The following MTR variants were observed in gnomAD, a reference collection of about 807,000 sequenced individuals.
MTR encodes methionine synthase.
Under a neutral mutation model 154.8 loss-of-function variants are expected in MTR, and 84 were observed. That is an observed-to-expected ratio of 0.54 (90% confidence interval 0.45 to 0.65). The LOEUF (loss-of-function observed/expected upper bound fraction) is 0.65. Ranked by LOEUF, MTR falls within the 30% of genes least tolerant of loss-of-function variation. The pLI is 0.00. For missense variants in MTR, 1,275 were observed against 1,570.2 expected (o/e 0.81, Z 3.18); for synonymous variants, 554 against 553.9 (o/e 1.00, Z 0.00).
chr1:236,805,244 C>T (rs928152516), intron 2 of MTR, among the ~76,000 whole-genome samples: 7 of 152,010 alleles, frequency 4.6e-5, no homozygotes, highest in Non-Finnish European at 5.9e-5. Flanking sequence ...GCCAGGGAGA[C>T]GAGTTTCGAA....
chr1:236,803,530 TA>T lies in MTR; in HGVS notation c.140del (p.Asn47ThrfsTer17). The T allele has an allele frequency of 6.2e-7, 1 of 1,614,168 alleles. No individual in the cohort carries two copies. The highest frequency in any genetic ancestry group is 8.5e-7 in the Non-Finnish European group (1 of 1,180,034). ...GMGTMIQREK[L>X]NEEHFRGQEF... ...GGGACCATGATCCAGCGGGAGAAGC[TA>T]AACGAAGAACACTTCCGAGGTCAGG... On this transcript the variant is annotated frameshift_variant, in exon 2 of 33. Transcript: ENST00000366577. LOFTEE classifies it high-confidence loss of function.
rs758776466 is a variant in MTR at position 236,816,534 on chromosome 1, A to G, written c.755A>G (p.Glu252Gly). ...TTTGTCATCAGCGTGTCTCATGGAG[A>G]ACCACTCTGGTGAGTGATCCATCTT... ...EGFVISVSHG[E>G]PLCIGLNCAL... The change falls in exon 8 of 33, where the codon GAA (glutamate) becomes GGA (glycine). Residue 252 changes from glutamate (E) to glycine (G), a missense_variant. Coordinates refer to ENST00000366577, the MANE Select transcript of MTR (RefSeq NM_000254.3). 1.5e-5 allele frequency: 24 copies of G among 1,613,822 alleles called. No individual in the cohort carries two copies. Among genetic ancestry groups the G allele is most frequent in the Middle Eastern group, 1.7e-4 (1 of 6,058 alleles).
At chr1:236,832,146 C>T (rs953603485) in intron 13 of MTR, 68 bp downstream of exon 13, 10 of 1,204,762 alleles carry the variant, frequency 8.3e-6, no homozygotes, top group Admixed American at 3.5e-5. Context: ...GTAAATGAAA[C>T]AGCTCTCTGC....
rs1198149599 is a variant in MTR, at chr1:236,900,550, TTACTA to T, written c.*2909_*2913del. ...TTCCTCCTGGTAGGCTTACAAGTGT[TTACTA>T]TATGCTATTAATACATTATACTTTA... On this transcript the variant is annotated 3_prime_UTR_variant, in exon 33 of 33. Coordinates refer to ENST00000366577, the MANE Select transcript of MTR (RefSeq NM_000254.3). 6.5e-6 allele frequency: 1 copy of T among 152,948 alleles called. No homozygotes were observed. The highest frequency in any genetic ancestry group is 2.4e-5 in the African/African-American group (1 of 41,464). 9.5% of individuals were successfully genotyped at this position (152,948 alleles called of 1,614,324 possible).
intron 22 of MTR, among the ~76,000 whole-genome samples, chr1:236,864,399 C>T (rs1165185191): frequency 8.5e-5 from 13 of 152,188 alleles, no homozygotes; most frequent in Non-Finnish European, 1.9e-4. Flanking sequence ...TTATCCATCT[C>T]TGCCTTCAAG....
At chr1:236,851,618 A>G (rs1018494281) in intron 16 of MTR, among the ~76,000 whole-genome samples, 2 of 152,246 alleles carry the variant, frequency 1.3e-5, no homozygotes, top group South Asian at 4.1e-4. Flanking sequence ...CCTAGGAGCA[A>G]TGCTCTGGTA....
intron 11 of MTR, among the ~76,000 whole-genome samples, chr1:236,828,138 C>T (rs1048862338): frequency 5.9e-5 from 9 of 152,186 alleles, no homozygotes; most frequent in South Asian, 2.1e-4. Flanking sequence ...CCACCATGCC[C>T]GGCTAATTTT....
chr1:236,863,140 C>G (rs12047554), intron 21 of MTR, among the ~76,000 whole-genome samples: 1 of 152,222 alleles, frequency 6.6e-6, no homozygotes, highest in South Asian at 2.1e-4. Context: ...AATGGCTAAC[C>G]GTAAACATTT....
chr1:236,824,673 C>T (rs1269431656), intron 9 of MTR, among the ~76,000 whole-genome samples: 1 of 152,244 alleles, frequency 6.6e-6, no homozygotes, highest in African/African-American at 2.4e-5. Context: ...AGTTCTCAAA[C>T]TGTCCCATTA....
At chr1:236,804,217 T>G (rs1360855460) in intron 2 of MTR, among the ~76,000 whole-genome samples, 4 of 152,230 alleles carry the variant, frequency 2.6e-5, no homozygotes, top group African/African-American at 9.6e-5. Flanking sequence ...TGCTGTGTTC[T>G]CAATGTTTGT....
chr1:236,849,647 G>T (rs1204437100), intron 15 of MTR, among the ~76,000 whole-genome samples: 1 of 152,176 alleles, frequency 6.6e-6, no homozygotes, highest in African/African-American at 2.4e-5. Context: ...AATGGTAGGA[G>T]ATGAGATTGG....
chr1:236,885,192 TAGAC>T lies in MTR; in HGVS notation c.2751_2754del (p.Gln918ThrfsTer14), dbSNP rs1665948555. 1 of 1,603,772 alleles carries T rather than the reference TAGAC, an allele frequency of 6.2e-7. No homozygotes were observed. Among genetic ancestry groups the T allele is most frequent in the South Asian group, 1.1e-5 (1 of 90,822 alleles). On this transcript the variant is annotated frameshift_variant, in exon 26 of 33. Coordinates refer to ENST00000366577, the MANE Select transcript of MTR (RefSeq NM_000254.3). LOFTEE classifies it high-confidence loss of function. ...AAATCATGGAAGAATATGAAGATAT[TAGAC>T]AGGACCATTATGAGTCTCTCAAGGT...
chr1:236,848,944 C>G (rs776451448), intron 15 of MTR, among the ~76,000 whole-genome samples: 2 of 152,192 alleles, frequency 1.3e-5, no homozygotes, highest in African/African-American at 4.8e-5. Context: ...CCTACCCCCT[C>G]ATCTCCACAG....
At position 236,816,421 on chromosome 1, in the gene MTR, G is replaced by C. The variant is rs561150333; in HGVS notation, c.670-28G>C. 19 of 1,590,564 alleles carry C rather than the reference G, an allele frequency of 1.2e-5. No individual in the cohort carries two copies. The Admixed American group carries it at 1.8e-4, about 15-fold the overall frequency. ...TATATTCTTAACTTGAGTCTGTATTGTTGACTTTGTTTACTTTGTCAATTC... is the reference window on the plus strand; with the variant it reads ...TATATTCTTAACTTGAGTCTGTATTCTTGACTTTGTTTACTTTGTCAATTC... On this transcript the variant is annotated intron_variant, in intron 7 of 32. Coordinates refer to ENST00000366577, the MANE Select transcript of MTR (RefSeq NM_000254.3).
chr1:236,818,234 A>T (rs1488381184), intron 8 of MTR, among the ~76,000 whole-genome samples: 1 of 152,248 alleles, frequency 6.6e-6, no homozygotes, highest in Non-Finnish European at 1.5e-5. Flanking sequence ...TAAACCATAG[A>T]CTTTAGTTAC....
intron 2 of MTR, 62 bp downstream of exon 2, chr1:236,803,704 T>G: frequency 1.3e-6 from 2 of 1,509,532 alleles, no homozygotes; most frequent in Non-Finnish European, 1.8e-6. Flanking sequence ...GTTTCATGTA[T>G]CAGGGCAGGC....
chr1:236,803,790 A>G (rs1039070240), intron 2 of MTR, 148 bp downstream of exon 2: 15 of 836,872 alleles, frequency 1.8e-5, no homozygotes, highest in African/African-American at 3.4e-5. Context: ...ACATCAAATA[A>G]AAGTTATGTA....
At chr1:236,842,733 C>A (rs906776413) in intron 15 of MTR, among the ~76,000 whole-genome samples, 2 of 149,550 alleles carry the variant, frequency 1.3e-5, no homozygotes, top group African/African-American at 4.9e-5. Context: ...TGTCCTTGCA[C>A]GATTTATATT....
At chr1:236,816,769 G>A (rs1661620553) in intron 8 of MTR, among the ~76,000 whole-genome samples, 1 of 152,120 alleles carries the variant, frequency 6.6e-6, no homozygotes, top group Admixed American at 6.6e-5. Flanking sequence ...ACTTACAAAT[G>A]GTTGCCTGTT....
Sources: gnomAD v4.1 joint callset for allele counts (sites outside exome capture counted in the v4.1 genomes callset) on GRCh38, gnomAD v4.1.1 for gene constraint, MANE v1.5 for transcripts, NCBI Gene and HGNC (gene_info 2026-07-23, HGNC 2026-07-21) for gene names.